Variants in JSRP1 observed in about 807,000 individuals in gnomAD.
The protein encoded by JSRP1 is junctional sarcoplasmic reticulum protein 1, also known as 2310032K21Rik.
Under a neutral mutation model 21.4 loss-of-function variants are expected in JSRP1, and 29 were observed. The observed-to-expected ratio is 1.36, with a 90% CI of 1.01 to 1.85. The LOEUF is 1.85. Among genes scored for constraint, JSRP1 ranks in the 40% most tolerant of loss-of-function variants. The pLI is 0.00. For missense variants in JSRP1, 531 were observed against 461.5 expected, an observed-to-expected ratio of 1.15 and a Z score of -1.38; for synonymous variants, 221 against 206.1, an observed-to-expected ratio of 1.07 and a Z score of -0.62.
In JSRP1 at chr19:2,252,679, C is replaced by T. The variant is rs1325294283; in HGVS notation, c.646G>A (p.Gly216Ser). The change falls in exon 7 of 7, where the codon GGC (glycine) becomes AGC (serine). Residue 216 changes from glycine (G) to serine (S), a missense_variant. Transcript: ENST00000300961. Reference protein sequence around the residue: ...EAAENDEEEPGEATGEAVRED... With the variant: ...EAAENDEEEPSEATGEAVRED... ...CGGACGGCCTCTCCGGTGGCCTCGCCGGGCTCCTCTTCGTCGTTCTCTGCA... is the reference window on the plus strand; with the variant it reads ...CGGACGGCCTCTCCGGTGGCCTCGCTGGGCTCCTCTTCGTCGTTCTCTGCA... 2.5e-6 allele frequency: 4 copies of T among 1,612,030 alleles called. No homozygotes were observed. Among genetic ancestry groups the T allele is most frequent in the African/African-American group, 2.7e-5 (2 of 74,916 alleles).
chr19:2,253,796 G>T lies in JSRP1; in HGVS notation c.263-3C>A. On this transcript the variant is annotated splice_region_variant and splice_polypyrimidine_tract_variant and intron_variant, in intron 4 of 6. Transcript: ENST00000300961. ...GCGCGCGGGGACGCTCCGAGGGCCT[G>T]CGGGGGCAAGTGCGCGCTGCGCTGT... 1.4e-6 allele frequency: 2 copies of T among 1,386,592 alleles called. No individual in the cohort carries two copies. The highest frequency in any genetic ancestry group is 1.8e-6 in the Non-Finnish European group (2 of 1,082,124). 85.9% of individuals were successfully genotyped at this position (1,386,592 alleles called of 1,614,324 possible). A position where few individuals can be genotyped will look rare whatever the true frequency, so the allele number is the denominator to read the frequency against.
In JSRP1 at chr19:2,252,573, C is replaced by T. The variant is rs777200766; in HGVS notation, c.752G>A (p.Arg251Gln). 1.2e-5 allele frequency: 20 copies of T among 1,612,558 alleles called. No individual in the cohort carries two copies. The highest frequency in any genetic ancestry group is 1.5e-5 in the Non-Finnish European group (18 of 1,179,790). Residue 251 changes from arginine to glutamine, a missense_variant, in exon 7 of 7, where the codon CGG becomes CAG. Arg to Gln is a conservative substitution (Grantham distance 43). Transcript: ENST00000300961. ...REGKPRKEKP[R>Q]KEERPKKERP... ...CTCTTTCTTAGGTCTCTCCTCCTTC[C>T]GCGGCTTCTCCTTCCGCGGCTTCCC...
rs375509583 is a variant in JSRP1, at chr19:2,252,352, G to A, written c.973C>T (p.Arg325Cys). 43 of 1,537,402 alleles carry A rather than the reference G, an allele frequency of 2.8e-5. No individual in the cohort carries two copies. In the African/African-American group the frequency reaches 5.5e-4, roughly 20 times the overall value. The change falls in exon 7 of 7, where the codon CGC becomes TGC. Residue 325 changes from arginine to cysteine, a missense_variant. Arg to Cys is a radical substitution (Grantham distance 180). Coordinates refer to ENST00000300961, the MANE Select transcript of JSRP1 (RefSeq NM_144616.4). ...GCTCAGTCCCGCCCCTTGCCTGCGC[G>A]GAGCTTCTGGCGACTCCCAGGCCGC... The part of the protein sequence containing the change: ...EQRPGSRQKL[R>C]AGKGRD
chr19:2,255,117 G>T (rs2025128130), intron 2 of JSRP1, 89 bp downstream of exon 2: 2 of 815,580 alleles, frequency 2.5e-6, no homozygotes, highest in South Asian at 1.7e-5. Flanking sequence ...AGTGTGGGAG[G>T]CTAAGAAGCT....
intron 1 of JSRP1, among the ~76,000 whole-genome samples, chr19:2,255,939 G>A (rs1028668022): frequency 3.9e-5 from 6 of 152,162 alleles, no homozygotes; most frequent in East Asian, 3.8e-4. Flanking sequence ...GGAGGGTCCC[G>A]GTTGTGGTTG....
chr19:2,254,721 T>TAA (rs35839566), intron 2 of JSRP1, among the ~76,000 whole-genome samples: 1,201 of 114,992 alleles, frequency 0.01, 21 homozygotes, highest in African/African-American at 0.035. Flanking sequence ...ACCCCATCTC[T>TAA]AAAAAAAAAA....
Position 2,253,705 on chromosome 19 carries a change from C to A in JSRP1, c.351G>T (p.Leu117=). Residue 117 remains leucine, a synonymous_variant, in exon 5 of 7, where the codon CTG becomes CTT. Coordinates refer to ENST00000300961, the MANE Select transcript of JSRP1 (RefSeq NM_144616.4). ...PPPPPALSEE[L]PWGDLSLNKC... ...TGTTGAGCGACAGGTCTCCCCAGGGCAGCTCCTCGCTCAGGGCCGGGGGCG... is the reference window on the plus strand; with the variant it reads ...TGTTGAGCGACAGGTCTCCCCAGGGAAGCTCCTCGCTCAGGGCCGGGGGCG... 1 of 1,503,348 alleles carries A rather than the reference C, an allele frequency of 6.7e-7. No individual in the cohort carries two copies. 93.1% of individuals were successfully genotyped at this position (1,503,348 alleles called of 1,614,324 possible). A position where few individuals can be genotyped will look rare whatever the true frequency, so the allele number is the denominator to read the frequency against.
chr19:2,254,683 T>A (rs1474082216), intron 2 of JSRP1, among the ~76,000 whole-genome samples: 1 of 150,592 alleles, frequency 6.6e-6, no homozygotes, highest in Non-Finnish European at 1.5e-5. Context: ...GCCCAGGAGT[T>A]TGAGACCAGC....
chr19:2,254,748 G>C (rs2025123401), intron 2 of JSRP1, among the ~76,000 whole-genome samples: 2 of 150,286 alleles, frequency 1.3e-5, no homozygotes, highest in Admixed American at 6.6e-5. Context: ...AAAAATTAGC[G>C]AGGCATGGTG....
rs1448172734 is a variant in JSRP1 at position 2,252,635 on chromosome 19, G to A, written c.690C>T (p.Leu230=). The part of the protein sequence containing the change: ...GEAVREDRVT[L]ADRGPKERPR... ...GCCTCTCCTTGGGTCCCCGGTCTGC[G>A]AGGGTCACACGGTCCTCCCGGACGG... The change falls in exon 7 of 7, where the codon CTC becomes CTT. Residue 230 remains leucine (L), a synonymous_variant. Coordinates refer to ENST00000300961, the MANE Select transcript of JSRP1 (RefSeq NM_144616.4). The A allele has an allele frequency of 2.5e-6, 4 of 1,612,392 alleles. No homozygotes were observed. Among genetic ancestry groups the A allele is most frequent in the African/African-American group, 1.3e-5 (1 of 75,024 alleles).
rs184765023 is a variant in JSRP1, at chr19:2,252,713, A to G, written c.612T>C (p.Ser204=). The G allele has an allele frequency of 1.2e-6, 2 of 1,608,732 alleles. No individual in the cohort carries two copies. The highest frequency in any genetic ancestry group is 2.7e-5 in the African/African-American group (2 of 73,484). The change falls in exon 7 of 7, where the codon AGT becomes AGC. Residue 204 remains serine, a synonymous_variant. Transcript: ENST00000300961. ...EAEVRPKIPG[S]REAAENDEEE... The stretch of plus-strand genomic sequence containing the variant: ...CTTCGTCGTTCTCTGCAGCCTCCCG[A>G]CTCCCGGGAATCTTGGGTCTGACCT...
At position 2,252,613 on chromosome 19, in the gene JSRP1, T is replaced by G. The variant is rs1030416743; in HGVS notation, c.712A>C (p.Arg238=). Residue 238 remains arginine, a synonymous_variant, in exon 7 of 7, where the codon AGG becomes CGG. Coordinates refer to ENST00000300961, the MANE Select transcript of JSRP1 (RefSeq NM_144616.4). ...VTLADRGPKE[R]PRREGKPRKE... ...CGCGGCTTCCCCTCTCTCCGAGGCC[T>G]CTCCTTGGGTCCCCGGTCTGCGAGG... 1 of 1,612,460 alleles carries G rather than the reference T, an allele frequency of 6.2e-7. No individual in the cohort carries two copies. The highest frequency in any genetic ancestry group is 1.3e-5 in the African/African-American group (1 of 74,878).
At position 2,254,361 on chromosome 19, in the gene JSRP1, C is replaced by CT. The variant is rs2025117400; in HGVS notation, c.148-61dup. The CT allele has an allele frequency of 5.6e-6, 9 of 1,603,584 alleles. No homozygotes were observed. In the East Asian group the frequency reaches 2.0e-4, roughly 36 times the overall value. ...TCCAGTGCCAAACCCTTCCCGTGGG[C>CT]TTTAGACACCTGCCTCCCTTGGTCG... On this transcript the variant is annotated intron_variant, in intron 3 of 6. Transcript: ENST00000300961.
rs1453114871 is a variant in JSRP1, at chr19:2,252,287, G to A, written c.*42C>T. 3 of 1,405,342 alleles carry A rather than the reference G, an allele frequency of 2.1e-6. No homozygotes were observed. The highest frequency in any genetic ancestry group is 5.0e-5 in the East Asian group (2 of 39,724). 87.1% of individuals were successfully genotyped at this position (1,405,342 alleles called of 1,614,324 possible). A position where few individuals can be genotyped will look rare whatever the true frequency, so the allele number is the denominator to read the frequency against. On this transcript the variant is annotated 3_prime_UTR_variant, in exon 7 of 7. Coordinates refer to ENST00000300961, the MANE Select transcript of JSRP1 (RefSeq NM_144616.4). ...CTCGCTTTATTTCGCCAGAGTCGCG[G>A]GGCGTCCAGAAGGGGCCCCTGGACT...
At position 2,252,500 on chromosome 19, in the gene JSRP1, T is replaced by C. The variant is rs201409798; in HGVS notation, c.825A>G (p.Glu275=). 2.5e-6 allele frequency: 4 copies of C among 1,612,418 alleles called. No homozygotes were observed. The African/African-American group carries it at 5.3e-5, about 21-fold the overall frequency. The part of the protein sequence containing the change: ...ERPRAAREPR[E]ALPQRWESRE... ...GTGACTCCCAGCGCTGGGGTAGGGC[T>C]TCCCGGGGCTCCCTGGCGGCCCGTG... The change falls in exon 7 of 7, where the codon GAA becomes GAG. Residue 275 remains glutamate, a synonymous_variant. Coordinates refer to ENST00000300961, the MANE Select transcript of JSRP1 (RefSeq NM_144616.4).
chr19:2,252,365 A>G lies in JSRP1; in HGVS notation c.960T>C (p.Ser320=), dbSNP rs1026574893. The G allele has an allele frequency of 4.4e-5, 68 of 1,556,958 alleles. No homozygotes were observed. Among genetic ancestry groups the G allele is most frequent in the Non-Finnish European group, 5.8e-5 (67 of 1,155,430 alleles). The part of the protein sequence containing the change: ...RRPDEEQRPG[S]RQKLRAGKGR... The stretch of plus-strand genomic sequence containing the variant: ...CCTTGCCTGCGCGGAGCTTCTGGCG[A>G]CTCCCAGGCCGCTGCTCCTCGTCGG... The change falls in exon 7 of 7, where the codon AGT becomes AGC. Residue 320 remains serine (S), a synonymous_variant. Transcript: ENST00000300961.
At chr19:2,253,473 G>T in intron 5 of JSRP1, 147 bp downstream of exon 5, 1 of 771,782 alleles carries the variant, frequency 1.3e-6, no homozygotes, top group Non-Finnish European at 1.9e-6. Context: ...AAGGGGAGAT[G>T]CACAAACCAA....
At position 2,254,473 on chromosome 19, in the gene JSRP1, C is replaced by G. The variant is rs1224015948; in HGVS notation, c.119G>C (p.Arg40Thr). Reference sequence around the variant, plus strand: ...GGGCACGCTGCCGGAGTCGGCCAGCCTGGGTGTCGCTGTGGGAACACAGGC... The same window carrying G: ...GGGCACGCTGCCGGAGTCGGCCAGCGTGGGTGTCGCTGTGGGAACACAGGC... ...TQEDRASATP[R>T]LADSGSVPHD... Residue 40 changes from arginine (R) to threonine (T), a missense_variant, in exon 3 of 7, where the codon AGG becomes ACG. Transcript: ENST00000300961. 1.2e-6 allele frequency: 2 copies of G among 1,612,732 alleles called. No individual in the cohort carries two copies. Among genetic ancestry groups the G allele is most frequent in the East Asian group, 2.2e-5 (1 of 44,900 alleles).
In JSRP1 at chr19:2,254,326, C is replaced by T. The variant is rs774418478; in HGVS notation, c.148-25G>A. The stretch of plus-strand genomic sequence containing the variant: ...CCTGTGGTTATCACGAGACATTCCA[C>T]ATGTTTCCTTCCAGTGCCAAACCCT... On this transcript the variant is annotated intron_variant, in intron 3 of 6. Coordinates refer to ENST00000300961, the MANE Select transcript of JSRP1 (RefSeq NM_144616.4). 5.6e-6 allele frequency: 9 copies of T among 1,594,592 alleles called. No individual in the cohort carries two copies. In the African/African-American group the frequency reaches 1.2e-4, roughly 21 times the overall value.
Sources: gnomAD v4.1 joint callset for allele counts (sites outside exome capture counted in the v4.1 genomes callset) on GRCh38, gnomAD v4.1.1 for gene constraint, MANE v1.5 for transcripts, NCBI Gene and HGNC (gene_info 2026-07-23, HGNC 2026-07-21) for gene names.